The following PAX9 variants were observed in gnomAD, a reference collection of about 807,000 sequenced individuals.
PAX9 encodes the protein paired box protein Pax-9.
A neutral mutation model predicts 29.1 loss-of-function variants in PAX9; 6 were observed. That is an observed-to-expected ratio of 0.21 (90% CI 0.11 to 0.41). PAX9 has a LOEUF of 0.41. Ranked by LOEUF, PAX9 falls within the 10% of genes least tolerant of loss-of-function variation. The pLI is 1.00. For missense variants in PAX9, 443 were observed against 479.1 expected (o/e 0.92, Z 0.70); for synonymous variants, 217 against 211.7 (o/e 1.03, Z -0.22).
In PAX9 at chr14:36,678,553, T is replaced by C. The variant is rs958649708; in HGVS notation, c.*2101T>C. 1.6e-5 allele frequency: 25 copies of C among 1,536,334 alleles called. No homozygotes were observed. The Middle Eastern group carries it at 5.0e-4, about 31-fold the overall frequency. ...ATCCAATATTTTGGTGGAGACTTCT[T>C]TAAAACCATACCATACAGGGACTCT... On this transcript the variant is annotated 3_prime_UTR_variant, in exon 4 of 4. Transcript: ENST00000361487.
At chr14:36,661,016 G>T (rs910331575), upstream of PAX9, among the ~76,000 whole-genome samples, 3 of 152,354 alleles carry the variant, frequency 2.0e-5, no homozygotes, top group South Asian at 6.2e-4. Flanking sequence ...TCGCTGGTTT[G>T]GAGAACCCTC....
intron 2 of PAX9, among the ~76,000 whole-genome samples, chr14:36,665,188 A>AAG (rs1566470253): frequency 1.4e-5 from 2 of 140,608 alleles, no homozygotes; most frequent in African/African-American, 2.6e-5. Context: ...AAAAAAAAAA[A>AAG]GGCTGACAGA....
In PAX9 at chr14:36,678,564, C is replaced by A. The variant is rs780704367; in HGVS notation, c.*2112C>A. 1 of 1,535,102 alleles carries A rather than the reference C, an allele frequency of 6.5e-7. No individual in the cohort carries two copies. The highest frequency in any genetic ancestry group is 8.7e-7 in the Non-Finnish European group (1 of 1,145,832). On this transcript the variant is annotated 3_prime_UTR_variant, in exon 4 of 4. Transcript: ENST00000361487. The stretch of plus-strand genomic sequence containing the variant: ...TGGTGGAGACTTCTTTAAAACCATA[C>A]CATACAGGGACTCTCCTGTCATCTG...
chr14:36,668,028 G>T (rs1881569931), intron 3 of PAX9, among the ~76,000 whole-genome samples: 1 of 152,202 alleles, frequency 6.6e-6, no homozygotes, highest in African/African-American at 2.4e-5. Flanking sequence ...AGTATTCAAT[G>T]AGATAATGCA....
chr14:36,658,373 T>TGGG (rs36065207), upstream of PAX9, among the ~76,000 whole-genome samples: 108 of 128,794 alleles, frequency 8.4e-4, 1 homozygote, highest in African/African-American at 3.0e-3. Context: ...GGGCCTCGCT[T>TGGG]GGGGGGGGGG....
rs977223195 is a variant in PAX9 at position 36,661,955 on chromosome 14, G to GCCT, written c.-125_-123dup. 9.5e-7 allele frequency: 1 copy of GCCT among 1,056,392 alleles called. No individual in the cohort carries two copies. Among genetic ancestry groups the GCCT allele is most frequent in the Non-Finnish European group, 1.4e-6 (1 of 697,952 alleles). The allele number at this position is 1,056,392 out of a possible 1,614,324, so 65.4% of individuals were successfully genotyped here. On this transcript the variant is annotated 5_prime_UTR_variant, in exon 1 of 4. Coordinates refer to ENST00000361487, the MANE Select transcript of PAX9 (RefSeq NM_001372076.1). ...TTTTACTTCTTCCTTTTGCCCTCTC[G>GCCT]CCTCCTCCTCCTGGGAAGAAGCGGA...
At chr14:36,666,781 G>A (rs533006000) in intron 3 of PAX9, among the ~76,000 whole-genome samples, 180 bp downstream of exon 3, 1 of 152,340 alleles carries the variant, frequency 6.6e-6, no homozygotes, top group Non-Finnish European at 1.5e-5. Context: ...AGCCTTGGAA[G>A]GCGGAGCTGG....
intron 3 of PAX9, among the ~76,000 whole-genome samples, chr14:36,668,520 C>T (rs2082726008): frequency 6.6e-6 from 1 of 152,164 alleles, no homozygotes. Flanking sequence ...TCCTGAGTAG[C>T]TGGGATTACA....
Position 36,679,326 on chromosome 14 carries a change from A to ACTT in PAX9, c.*2876_*2878dup. ...TATGTCAAAAGCCTTTTATTTTTAT[A>ACTT]CTTCAAATGCTCTAAATTAATAAAA... On this transcript the variant is annotated 3_prime_UTR_variant, in exon 4 of 4. Transcript: ENST00000361487. 4 of 970,206 alleles carry ACTT rather than the reference A, an allele frequency of 4.1e-6. No individual in the cohort carries two copies. Among genetic ancestry groups the ACTT allele is most frequent in the Non-Finnish European group, 4.9e-6 (4 of 816,178 alleles). The allele number at this position is 970,206 out of a possible 1,614,324, so 60.1% of individuals were successfully genotyped here.
upstream of PAX9, among the ~76,000 whole-genome samples, chr14:36,659,521 A>C (rs376077556): frequency 1.3e-5 from 2 of 152,192 alleles, no homozygotes; most frequent in East Asian, 3.9e-4. Flanking sequence ...TTAGTGGCCC[A>C]AAACACCTAA....
At chr14:36,673,346 G>C (rs1400040954) in intron 3 of PAX9, among the ~76,000 whole-genome samples, 1 of 152,122 alleles carries the variant, frequency 6.6e-6, no homozygotes, top group Admixed American at 6.5e-5. Flanking sequence ...TTAAGTATGA[G>C]AAGTTGGACA....
intron 2 of PAX9, among the ~76,000 whole-genome samples, chr14:36,664,885 A>C (rs1184531142): frequency 6.6e-6 from 1 of 152,128 alleles, no homozygotes; most frequent in Non-Finnish European, 1.5e-5. Context: ...ATTTGGAGCT[A>C]CTTGGAGCCA....
intron 3 of PAX9, among the ~76,000 whole-genome samples, chr14:36,674,987 C>T (rs1012459144): frequency 1.3e-5 from 2 of 152,068 alleles, no homozygotes; most frequent in African/African-American, 4.8e-5. Context: ...AAAACAATAG[C>T]CCAAATAAAT....
chr14:36,668,616 T>C (rs921091642), intron 3 of PAX9, among the ~76,000 whole-genome samples: 2 of 152,268 alleles, frequency 1.3e-5, no homozygotes, highest in East Asian at 3.9e-4. Flanking sequence ...CTTGATCTCC[T>C]GACCTCGTGA....
chr14:36,658,356 G>A (rs979806594), upstream of PAX9, among the ~76,000 whole-genome samples: 10 of 149,890 alleles, frequency 6.7e-5, no homozygotes, highest in African/African-American at 2.5e-4. Flanking sequence ...GGCGGGCACC[G>A]TCGCCTGGGC....
At chr14:36,669,570 A>C (rs956169597) in intron 3 of PAX9, among the ~76,000 whole-genome samples, 13 of 152,156 alleles carry the variant, frequency 8.5e-5, no homozygotes, top group Non-Finnish European at 1.5e-4. Flanking sequence ...ATAGAGCTTA[A>C]AGCATATTTT....
chr14:36,671,767 A>T (rs528271038), intron 3 of PAX9, among the ~76,000 whole-genome samples: 1 of 152,318 alleles, frequency 6.6e-6, no homozygotes, highest in East Asian at 1.9e-4. Flanking sequence ...AAACGAAATT[A>T]AAACTTGTAC....
At chr14:36,664,154 A>G (rs1881401243) in intron 2 of PAX9, among the ~76,000 whole-genome samples, 1 of 152,220 alleles carries the variant, frequency 6.6e-6, no homozygotes, top group South Asian at 2.1e-4. Context: ...CATGTAACTC[A>G]TTCCCAGACG....
upstream of PAX9, among the ~76,000 whole-genome samples, chr14:36,660,373 G>C (rs1005340717): frequency 6.6e-6 from 1 of 152,202 alleles, no homozygotes; most frequent in Non-Finnish European, 1.5e-5. Flanking sequence ...AGTATGTCTA[G>C]TTGTGGGATT....
Sources: allele counts gnomAD v4.1 joint callset (sites outside exome capture counted in the v4.1 genomes callset), GRCh38; gene constraint gnomAD v4.1.1; transcripts MANE v1.5; gene names NCBI Gene and HGNC (gene_info 2026-07-23, HGNC 2026-07-21).